The following RGS7BP variants were observed in gnomAD, a reference collection of about 807,000 sequenced individuals.
The protein encoded by RGS7BP is regulator of G protein signaling 7 binding protein, also known as regulator of G protein signaling 7-binding protein.
RGS7BP carries 9 observed loss-of-function variants against 31.3 expected under a neutral mutation model. The observed-to-expected ratio is 0.29, with a 90% CI of 0.17 to 0.50. The LOEUF (loss-of-function observed/expected upper bound fraction) is 0.50. Among genes scored for constraint, RGS7BP ranks in the 20% least tolerant of loss-of-function variants. The pLI is 0.98. For synonymous variants in RGS7BP, 115 were observed against 120.1 expected (o/e 0.96, Z 0.28); for missense variants, 274 against 322.0 (o/e 0.85, Z 1.14).
chr5:64,598,438 G>A lies in RGS7BP; in HGVS notation c.682+3G>A. The A allele has an allele frequency of 3.8e-6, 6 of 1,584,862 alleles. No homozygotes were observed. The highest frequency in any genetic ancestry group is 2.2e-5 in the South Asian group (2 of 90,420). ...GCCTTTACCATTGAAAAATCAAGGT[G>A]AGTCTTGTCACTTCTCTTTGAGGCA... On this transcript the variant is annotated splice_donor_region_variant and intron_variant, in intron 5 of 5. Coordinates refer to ENST00000334025, the MANE Select transcript of RGS7BP (RefSeq NM_001029875.3).
In RGS7BP at chr5:64,543,823, A is replaced by G. The variant is rs183171589; in HGVS notation, c.333-31951A>G. The stretch of plus-strand genomic sequence containing the variant: ...TGTCCACTCTATCTTCCCTATAAAT[A>G]ATGAAAAGAAAAGGGAAGGGCAGAG... On this transcript the variant is annotated intron_variant, in intron 2 of 5. Transcript: ENST00000334025. 7.9e-4 allele frequency among the ~76,000 whole-genome samples: 120 copies of G among 152,346 alleles called. 1 individual carries two copies. The highest frequency in any genetic ancestry group is 2.7e-3 in the African/African-American group (111 of 41,586).
chr5:64,568,740 A>G (rs1228880232), intron 2 of RGS7BP, among the ~76,000 whole-genome samples: 1 of 148,656 alleles, frequency 6.7e-6, no homozygotes, highest in African/African-American at 2.5e-5. Flanking sequence ...TTTTAGTCTT[A>G]TTTCATTATA....
intron 2 of RGS7BP, among the ~76,000 whole-genome samples, chr5:64,516,534 C>T (rs977592964): frequency 6.6e-6 from 1 of 152,200 alleles, no homozygotes; most frequent in South Asian, 2.1e-4. Flanking sequence ...CTAAAACGCT[C>T]CTCTGATCTT....
chr5:64,586,487 A>G (rs1742756287), intron 3 of RGS7BP, among the ~76,000 whole-genome samples: 1 of 152,208 alleles, frequency 6.6e-6, no homozygotes, highest in South Asian at 2.1e-4. Context: ...TCTTTGGGTC[A>G]TAACTTAGAT....
chr5:64,529,456 T>G lies in RGS7BP; in HGVS notation c.332+21579T>G, dbSNP rs190977621. ...TGGGAGAAAAGAAACTCTAAGATAT[T>G]GTTGGTTTCAGATCACAGGGTTTAC... On this transcript the variant is annotated intron_variant, in intron 2 of 5. Transcript: ENST00000334025. 4.2e-3 allele frequency among the ~76,000 whole-genome samples: 632 copies of G among 152,250 alleles called. 2 individuals carry two copies. Among genetic ancestry groups the G allele is most frequent in the African/African-American group, 0.015 (622 of 41,534 alleles).
intron 2 of RGS7BP, among the ~76,000 whole-genome samples, chr5:64,509,106 C>T (rs1748764847): frequency 6.6e-6 from 1 of 151,688 alleles, no homozygotes; most frequent in African/African-American, 2.4e-5. Context: ...CTATTCTTAA[C>T]AAGAAGTAAA....
Position 64,610,888 on chromosome 5 carries a change from G to A in RGS7BP, c.*1636G>A, listed in dbSNP as rs941178940. ...AAGAATTAAAGGGTTGGAAGAGAAC[G>A]TTATACAGGTCTCTATTTAGATCAT... is the stretch of plus-strand genomic sequence containing the variant. On this transcript the variant is annotated 3_prime_UTR_variant, in exon 6 of 6. Coordinates refer to ENST00000334025, the MANE Select transcript of RGS7BP (RefSeq NM_001029875.3). The A allele has an allele frequency of 2.6e-5, 4 of 151,866 alleles. No homozygotes were observed. Among genetic ancestry groups the A allele is most frequent in the Non-Finnish European group, 5.9e-5 (4 of 67,914 alleles). 9.4% of individuals were successfully genotyped at this position (151,866 alleles called of 1,614,324 possible). A position where few individuals can be genotyped will look rare whatever the true frequency, so the allele number is the denominator to read the frequency against.
intron 2 of RGS7BP, among the ~76,000 whole-genome samples, chr5:64,542,748 G>T (rs962168130): frequency 2.0e-5 from 3 of 152,298 alleles, no homozygotes; most frequent in Non-Finnish European, 4.4e-5. Flanking sequence ...CCAATGAATT[G>T]AATAATCTGA....
chr5:64,563,473 A>C (rs1178617349), intron 2 of RGS7BP, among the ~76,000 whole-genome samples: 1 of 152,138 alleles, frequency 6.6e-6, no homozygotes, highest in African/African-American at 2.4e-5. Flanking sequence ...CTTATCAAAA[A>C]GGGAAATGTG....
intron 2 of RGS7BP, among the ~76,000 whole-genome samples, chr5:64,524,927 A>G (rs188187361): frequency 2.8e-4 from 43 of 152,212 alleles, no homozygotes; most frequent in Admixed American, 2.3e-3. Flanking sequence ...GGTGGGTTAT[A>G]TAGTGAAATG....
At chr5:64,525,721 G>A (rs1749216304) in intron 2 of RGS7BP, among the ~76,000 whole-genome samples, 1 of 152,058 alleles carries the variant, frequency 6.6e-6, no homozygotes, top group Non-Finnish European at 1.5e-5. Flanking sequence ...TCTAGCCCAC[G>A]ATCTTGCCCA....
intron 2 of RGS7BP, among the ~76,000 whole-genome samples, chr5:64,511,552 G>A (rs1255716872): frequency 3.3e-5 from 5 of 152,160 alleles, no homozygotes; most frequent in African/African-American, 7.2e-5. Context: ...ACTCTGCACT[G>A]CTTGGGGTGT....
intron 2 of RGS7BP, among the ~76,000 whole-genome samples, chr5:64,532,265 A>G (rs1006598264): frequency 1.5e-4 from 23 of 151,732 alleles, no homozygotes; most frequent in Non-Finnish European, 2.4e-4. Flanking sequence ...TTTTCTGAAT[A>G]GTGCAAGCAC....
intron 5 of RGS7BP, among the ~76,000 whole-genome samples, chr5:64,605,889 T>C (rs1276800341): frequency 1.3e-5 from 2 of 149,240 alleles, no homozygotes; most frequent in Non-Finnish European, 3.0e-5. Flanking sequence ...TGTGTATATA[T>C]ATGCTATATA....
chr5:64,596,331 T>C (rs910131371), intron 4 of RGS7BP, among the ~76,000 whole-genome samples: 2 of 152,140 alleles, frequency 1.3e-5, no homozygotes, highest in Admixed American at 6.5e-5. Flanking sequence ...TGAGAGATCA[T>C]GGGTCTCAAA....
At chr5:64,552,821 C>G (rs1009343603) in intron 2 of RGS7BP, among the ~76,000 whole-genome samples, 4 of 152,200 alleles carry the variant, frequency 2.6e-5, no homozygotes, top group African/African-American at 9.7e-5. Context: ...AAGTAACCCT[C>G]CTGCCTCAGC....
At chr5:64,552,123 A>C (rs1028950098) in intron 2 of RGS7BP, among the ~76,000 whole-genome samples, 2 of 152,200 alleles carry the variant, frequency 1.3e-5, no homozygotes, top group African/African-American at 4.8e-5. Context: ...TATATTTTAA[A>C]GTGTATTCAA....
chr5:64,572,691 T>C (rs1255328039), intron 2 of RGS7BP, among the ~76,000 whole-genome samples: 1 of 152,126 alleles, frequency 6.6e-6, no homozygotes, highest in African/African-American at 2.4e-5. Context: ...GTGGCACCTA[T>C]TCAGTTCTTC....
chr5:64,526,970 G>T (rs1443954893), intron 2 of RGS7BP, among the ~76,000 whole-genome samples: 1 of 152,160 alleles, frequency 6.6e-6, no homozygotes, highest in African/African-American at 2.4e-5. Context: ...TAAAACCTGA[G>T]CAGTTACATA....
Sources: gnomAD v4.1 joint callset for allele counts (sites outside exome capture counted in the v4.1 genomes callset) on GRCh38, gnomAD v4.1.1 for gene constraint, MANE v1.5 for transcripts, NCBI Gene and HGNC (gene_info 2026-07-23, HGNC 2026-07-21) for gene names.